COBLL1: variants seen among roughly 807,000 people sequenced by gnomAD.
COBLL1 encodes the protein cordon-bleu protein-like 1.
COBLL1 carries 50 observed loss-of-function variants against 94.8 expected under a neutral mutation model. The ratio of observed to expected loss-of-function variants is 0.53; its 90% CI spans 0.42 to 0.67. The LOEUF is 0.67. Among genes scored for constraint, COBLL1 ranks in the 30% least tolerant of loss-of-function variants. The pLI is 0.00. For missense variants in COBLL1, 1,362 were observed against 1,348.7 expected (o/e 1.01, Z -0.15); for synonymous variants, 448 against 473.8 (o/e 0.95, Z 0.71).
intron 5 of COBLL1, among the ~76,000 whole-genome samples, chr2:164,726,515 T>TA (rs977138799): frequency 6.6e-5 from 10 of 152,126 alleles, no homozygotes; most frequent in Admixed American, 5.2e-4. Flanking sequence ...AAATAAATAA[T>TA]AAAAAAATCA....
At position 164,818,339 on chromosome 2, in the gene COBLL1, T is replaced by TACATATGTATAC. The variant is rs200311688; in HGVS notation, c.41+22816_41+22817insGTATACATATGT. ...ACGTGTGTATGTATACATATATGTA[T>TACATATGTATAC]ATATACATATGTGCATATACGTATG... is the stretch of plus-strand genomic sequence containing the variant. On this transcript the variant is annotated intron_variant, in intron 2 of 13. Coordinates refer to ENST00000652658, the MANE Select transcript of COBLL1 (RefSeq NM_001365672.2). 1.6e-3 allele frequency among the ~76,000 whole-genome samples: 224 copies of TACATATGTATAC among 139,242 alleles called. 5 individuals are homozygous for TACATATGTATAC. Among genetic ancestry groups the TACATATGTATAC allele is most frequent in the Middle Eastern group, 8.3e-3 (2 of 240 alleles). The allele number at this position is 139,242 out of a possible 152,430, so 91.3% of individuals were successfully genotyped here. A position where few individuals can be genotyped will look rare whatever the true frequency, so the allele number is the denominator to read the frequency against.
rs774381431 is a variant in COBLL1 at position 164,695,022 on chromosome 2, T to C, written c.2370A>G (p.Glu790=). The C allele has an allele frequency of 1.9e-6, 3 of 1,613,944 alleles. No individual in the cohort carries two copies. The highest frequency in any genetic ancestry group is 2.5e-6 in the Non-Finnish European group (3 of 1,179,940). Residue 790 remains glutamate (E), a synonymous_variant, in exon 12 of 14, where the codon GAA becomes GAG. Coordinates refer to ENST00000652658, the MANE Select transcript of COBLL1 (RefSeq NM_001365672.2). ...TEDSAISESP[E]EPLPNLKPKP... ...TCGGTTTAAGGTTTGGCAGTGGCTC[T>C]TCTGGGCTTTCAGAAATAGCAGAAT... is the stretch of plus-strand genomic sequence containing the variant.
At chr2:164,778,410 C>T (rs573061325) in intron 2 of COBLL1, among the ~76,000 whole-genome samples, 2 of 152,246 alleles carry the variant, frequency 1.3e-5, no homozygotes, top group African/African-American at 4.8e-5. Flanking sequence ...AGTTCAAGAC[C>T]AGCCTGGCCA....
At chr2:164,808,385 G>A (rs1301243258) in intron 2 of COBLL1, among the ~76,000 whole-genome samples, 1 of 152,056 alleles carries the variant, frequency 6.6e-6, no homozygotes, top group East Asian at 1.9e-4. Flanking sequence ...CAATTTTTGA[G>A]TCTAGTTCTA....
intron 2 of COBLL1, among the ~76,000 whole-genome samples, chr2:164,811,828 A>G (rs1004087266): frequency 6.6e-6 from 1 of 151,844 alleles, no homozygotes; most frequent in Non-Finnish European, 1.5e-5. Flanking sequence ...AAGTTTTTAT[A>G]TTCTCCAAAT....
At chr2:164,722,370 A>T in intron 6 of COBLL1, 55 bp downstream of exon 6, 1 of 1,513,352 alleles carries the variant, frequency 6.6e-7, no homozygotes, top group Non-Finnish European at 9.0e-7. Context: ...AAAAAGCATT[A>T]GTAATTAAAA....
intron 2 of COBLL1, among the ~76,000 whole-genome samples, chr2:164,777,423 C>A (rs355884): frequency 0.23 from 35,243 of 151,642 alleles, 4,731 homozygotes; most frequent in African/African-American, 0.37. Context: ...TTAAAATTTT[C>A]TTTGCGTACC....
chr2:164,838,546 T>TA (rs1218530281), intron 2 of COBLL1, among the ~76,000 whole-genome samples: 1 of 152,166 alleles, frequency 6.6e-6, no homozygotes, highest in Admixed American at 6.5e-5. Context: ...CAAGAAAAGA[T>TA]AAAAAGCAAT....
At chr2:164,664,675 A>G (rs575173330) in intron 2 of COBLL1, among the ~76,000 whole-genome samples, 1 of 152,338 alleles carries the variant, frequency 6.6e-6, no homozygotes, top group East Asian at 1.9e-4. Flanking sequence ...CAGGTGAGGA[A>G]GAACGGTTAA....
chr2:164,759,793 C>T (rs1687594109), intron 2 of COBLL1, among the ~76,000 whole-genome samples: 1 of 152,130 alleles, frequency 6.6e-6, no homozygotes, highest in Non-Finnish European at 1.5e-5. Context: ...GGCAAATAGA[C>T]ACACAAAAAT....
intron 5 of COBLL1, chr2:164,724,739 A>G (rs1056595487): frequency 2.0e-5 from 3 of 152,140 alleles, no homozygotes; most frequent in African/African-American, 7.2e-5. Context: ...TATTTAAAAT[A>G]CCTGTCTAAG....
At chr2:164,828,555 G>A (rs1009292142) in intron 2 of COBLL1, among the ~76,000 whole-genome samples, 2 of 152,138 alleles carry the variant, frequency 1.3e-5, no homozygotes, top group Admixed American at 1.3e-4. Flanking sequence ...AAAAAGCAAC[G>A]TATGAAGCAG....
At chr2:164,727,108 T>C in intron 5 of COBLL1, 4 of 1,486,050 alleles carry the variant, frequency 2.7e-6, no homozygotes, top group East Asian at 2.5e-5. Context: ...CATCTTACCT[T>C]GTAAAGATGA....
chr2:164,725,948 A>G (rs1685705287), intron 5 of COBLL1, among the ~76,000 whole-genome samples: 2 of 152,218 alleles, frequency 1.3e-5, no homozygotes, highest in South Asian at 4.1e-4. Context: ...AGTTTTCAAA[A>G]TAGTATCAGA....
intron 2 of COBLL1, among the ~76,000 whole-genome samples, chr2:164,792,643 T>C (rs1370134531): frequency 1.3e-5 from 2 of 152,222 alleles, no homozygotes. Flanking sequence ...TCAAATAGTG[T>C]TTAGATTAAA....
chr2:164,678,117 A>C (rs866913427), downstream of COBLL1, among the ~76,000 whole-genome samples: 18 of 152,338 alleles, frequency 1.2e-4, no homozygotes, highest in African/African-American at 4.3e-4. Context: ...GCTGAAATTT[A>C]CAGAGAAGAG....
At chr2:164,832,698 A>C (rs1683130889) in intron 2 of COBLL1, among the ~76,000 whole-genome samples, 1 of 152,242 alleles carries the variant, frequency 6.6e-6, no homozygotes, top group African/African-American at 2.4e-5. Flanking sequence ...TACTTTTAAA[A>C]AATAATAATT....
At chr2:164,690,574 C>T (rs1308688594) in intron 13 of COBLL1, among the ~76,000 whole-genome samples, 1 of 152,184 alleles carries the variant, frequency 6.6e-6, no homozygotes, top group Non-Finnish European at 1.5e-5. Context: ...GCATTTCCAA[C>T]TTAATGCAGT....
chr2:164,730,199 C>T lies in COBLL1; in HGVS notation c.231-84G>A. On this transcript the variant is annotated intron_variant, in intron 3 of 13. Transcript: ENST00000652658. Reference sequence around the variant, plus strand: ...TGTCTTCAATAGATAAACAAGTCTACAAGATAGTTTTTGGAAAAGCAGCTT... The same window carrying T: ...TGTCTTCAATAGATAAACAAGTCTATAAGATAGTTTTTGGAAAAGCAGCTT... 3.3e-6 allele frequency: 4 copies of T among 1,204,754 alleles called. No individual in the cohort carries two copies. The South Asian group carries it at 4.0e-5, about 12-fold the overall frequency. The allele number at this position is 1,204,754 out of a possible 1,614,324, so 74.6% of individuals were successfully genotyped here.
Sources: allele counts gnomAD v4.1 joint callset (sites outside exome capture counted in the v4.1 genomes callset), GRCh38; gene constraint gnomAD v4.1.1; transcripts MANE v1.5; gene names NCBI Gene and HGNC (gene_info 2026-07-23, HGNC 2026-07-21).